Variants in SETD3 observed in about 807,000 individuals in gnomAD.
The protein encoded by SETD3 is actin-histidine N-methyltransferase.
SETD3 carries 19 observed loss-of-function variants against 63.0 expected under a neutral mutation model. The ratio of observed to expected loss-of-function variants is 0.30; its 90% CI spans 0.21 to 0.44. The LOEUF (loss-of-function observed/expected upper bound fraction) is 0.44. Ranked by LOEUF, SETD3 falls within the 20% of genes least tolerant of loss-of-function variation. The pLI is 1.00. For missense variants in SETD3, 587 were observed against 728.5 expected (o/e 0.81, Z 2.24); for synonymous variants, 286 against 264.1 (o/e 1.08, Z -0.80).
intron 6 of SETD3, among the ~76,000 whole-genome samples, chr14:99,419,934 G>A (rs1187288285): frequency 6.6e-6 from 1 of 152,142 alleles, no homozygotes; most frequent in Non-Finnish European, 1.5e-5. Context: ...GATGAAGATA[G>A]GTTAAGACTA....
chr14:99,484,013 A>C (rs1221471465), upstream of SETD3, among the ~76,000 whole-genome samples: 1 of 152,222 alleles, frequency 6.6e-6, no homozygotes, highest in Non-Finnish European at 1.5e-5. Flanking sequence ...CCAGATATAA[A>C]TTTACTAGGT....
rs143258780 is a variant in SETD3 at position 99,454,504 on chromosome 14, A to G, written c.675+3775T>C. On this transcript the variant is annotated intron_variant, in intron 6 of 12. Transcript: ENST00000331768. Reference sequence around the variant, plus strand: ...AGAAAACACTCTAAGAAATACTAACATAAGATACTGAAGGGACAGGAGAAG... The same window carrying G: ...AGAAAACACTCTAAGAAATACTAACGTAAGATACTGAAGGGACAGGAGAAG... Among the ~76,000 whole-genome samples the G allele has an allele frequency of 5.7e-4, 87 of 152,332 alleles. 2 individuals are homozygous for G. In the East Asian group the frequency reaches 0.017, roughly 29 times the overall value.
chr14:99,439,380 AGAC>A (rs2139713534), intron 6 of SETD3, among the ~76,000 whole-genome samples: 1 of 152,346 alleles, frequency 6.6e-6, no homozygotes, highest in South Asian at 2.1e-4. Context: ...CACAGAGATC[AGAC>A]AACAGAGCAC....
intron 6 of SETD3, among the ~76,000 whole-genome samples, chr14:99,442,235 G>A (rs912809873): frequency 2.6e-5 from 4 of 152,204 alleles, no homozygotes; most frequent in African/African-American, 4.8e-5. Context: ...GTTATTAAAA[G>A]AATGAAATGA....
intron 6 of SETD3, among the ~76,000 whole-genome samples, chr14:99,427,560 A>C (rs1156423206): frequency 6.6e-6 from 1 of 152,214 alleles, no homozygotes; most frequent in Non-Finnish European, 1.5e-5. Flanking sequence ...ACGATAAAGG[A>C]GGCCAAGGCA....
chr14:99,412,991 A>G lies in SETD3; in HGVS notation c.809T>C (p.Leu270Pro). Residue 270 changes from leucine (L) to proline (P), a missense_variant, in exon 8 of 13, where the codon CTG becomes CCG. Transcript: ENST00000331768. ...GTTACACATATCCCATAAAGGAATC[A>G]GAGCCAGGGTCACGCGGGAACCATC... ...TEDGSRVTLA[L>P]IPLWDMCNHT... is the part of the protein sequence containing the mutation. The G allele has an allele frequency of 6.2e-7, 1 of 1,614,152 alleles. No individual in the cohort carries two copies. Among genetic ancestry groups the G allele is most frequent in the Non-Finnish European group, 8.5e-7 (1 of 1,179,968 alleles).
intron 8 of SETD3, chr14:99,411,189 G>GAAT (rs1891968208): frequency 6.6e-6 from 1 of 152,192 alleles, no homozygotes; most frequent in African/African-American, 2.4e-5. Flanking sequence ...CCAGCATCCT[G>GAAT]AATAAACCTT....
chr14:99,475,465 T>A (rs560898728), intron 1 of SETD3, among the ~76,000 whole-genome samples: 8 of 152,272 alleles, frequency 5.3e-5, no homozygotes, highest in Non-Finnish European at 1.0e-4. Context: ...CCAGCAGAGC[T>A]GCACGTTCAC....
rs376286042 is a variant in SETD3, at chr14:99,403,885, GAA to G, written c.1177+338_1177+339del. ...TGATCCTGAACTGCTCTATGTAAGT[GAA>G]AAAGACTAGTGCCCCGTGAGTGAAA... On this transcript the variant is annotated intron_variant, in intron 11 of 12. Coordinates refer to ENST00000331768, the MANE Select transcript of SETD3 (RefSeq NM_032233.3). 1.8e-3 allele frequency among the ~76,000 whole-genome samples: 280 copies of G among 152,322 alleles called. 1 individual carries two copies. The highest frequency in any genetic ancestry group is 6.4e-3 in the African/African-American group (264 of 41,570).
intron 6 of SETD3, among the ~76,000 whole-genome samples, chr14:99,435,025 T>C (rs1241420106): frequency 6.6e-6 from 1 of 152,064 alleles, no homozygotes; most frequent in African/African-American, 2.4e-5. Flanking sequence ...AAAAAAATTA[T>C]ATTTTTATTC....
intron 11 of SETD3, 146 bp downstream of exon 11, chr14:99,404,075 ATTTC>A (rs1891545720): frequency 3.6e-6 from 2 of 558,340 alleles, no homozygotes; most frequent in African/African-American, 1.9e-5. Context: ...AAACAAATCT[ATTTC>A]TTCTTTCTCC....
At chr14:99,469,492 C>G (rs765839519) in intron 1 of SETD3, among the ~76,000 whole-genome samples, 4 of 152,202 alleles carry the variant, frequency 2.6e-5, no homozygotes, top group Non-Finnish European at 5.9e-5. Context: ...GCCTATAATC[C>G]TAGCACTTTG....
At chr14:99,456,817 C>T (rs567664742) in intron 6 of SETD3, among the ~76,000 whole-genome samples, 1 of 152,104 alleles carries the variant, frequency 6.6e-6, no homozygotes, top group African/African-American at 2.4e-5. Context: ...GTAAATGGAC[C>T]AGTTAATACA....
chr14:99,439,429 CTGTT>C (rs1293863009), intron 6 of SETD3, among the ~76,000 whole-genome samples: 3 of 152,268 alleles, frequency 2.0e-5, no homozygotes, highest in Non-Finnish European at 2.9e-5. Flanking sequence ...TCAACATTTC[CTGTT>C]TGTTTTCCTT....
At chr14:99,446,679 T>C (rs1894146483) in intron 6 of SETD3, among the ~76,000 whole-genome samples, 1 of 152,078 alleles carries the variant, frequency 6.6e-6, no homozygotes, top group Non-Finnish European at 1.5e-5. Flanking sequence ...AAGCAACACT[T>C]TTCCTAAAAG....
intron 6 of SETD3, among the ~76,000 whole-genome samples, chr14:99,419,099 T>G (rs796799911): frequency 6.6e-6 from 1 of 152,190 alleles, no homozygotes; most frequent in Admixed American, 6.5e-5. Context: ...TGTTCAGCTC[T>G]TGAGGGAAAA....
At position 99,406,582 on chromosome 14, in the gene SETD3, A is replaced by G. The variant is rs368993851; in HGVS notation, c.858T>C (p.Thr286=). 13 of 1,614,094 alleles carry G rather than the reference A, an allele frequency of 8.1e-6. No homozygotes were observed. The highest frequency in any genetic ancestry group is 1.3e-5 in the African/African-American group (1 of 74,934). ...AGCGGTCATCTTCCAGGTTGTAACC[A>G]GTAGTGATCTAGCCCGGGGAGGAGG... is the stretch of plus-strand genomic sequence containing the variant. ...MCNHTNGLIT[T]GYNLEDDRCE... is the part of the protein sequence containing the mutation. Residue 286 remains threonine, a synonymous_variant, in exon 9 of 13, where the codon ACT becomes ACC. Transcript: ENST00000331768.
intron 4 of SETD3, among the ~76,000 whole-genome samples, chr14:99,459,939 T>G (rs180786530): frequency 9.8e-5 from 15 of 152,332 alleles, no homozygotes; most frequent in Middle Eastern, 3.4e-3. Flanking sequence ...AAATGTCTGT[T>G]GTTTAAGACC....
intron 6 of SETD3, among the ~76,000 whole-genome samples, chr14:99,416,510 T>C (rs570218461): frequency 1.3e-5 from 2 of 152,344 alleles, no homozygotes; most frequent in African/African-American, 2.4e-5. Flanking sequence ...ACGTACTCTC[T>C]GCAGCCAATT....
Sources: allele counts gnomAD v4.1 joint callset (sites outside exome capture counted in the v4.1 genomes callset), GRCh38; gene constraint gnomAD v4.1.1; transcripts MANE v1.5; gene names NCBI Gene and HGNC (gene_info 2026-07-23, HGNC 2026-07-21).